The following PLCB4 variants were observed in gnomAD, a reference collection of about 807,000 sequenced individuals.
The protein encoded by PLCB4 is 1-phosphatidylinositol 4,5-bisphosphate phosphodiesterase beta-4.
A neutral mutation model predicts 178.8 loss-of-function variants in PLCB4; 77 were observed. The ratio of observed to expected loss-of-function variants is 0.43; its 90% CI spans 0.36 to 0.52. The LOEUF (loss-of-function observed/expected upper bound fraction) is 0.52, where lower values mean the gene tolerates loss of function less well. Ranked by LOEUF, PLCB4 falls within the 20% of genes least tolerant of loss-of-function variation. The probability of loss-of-function intolerance (pLI) is 0.00; values close to 1 mark genes in which losing one functional copy is unlikely to be tolerated. For missense variants in PLCB4, 1,024 were observed against 1,453.4 expected (o/e 0.70, Z 4.80); for synonymous variants, 496 against 490.8 (o/e 1.01, Z -0.14).
intron 25 of PLCB4, among the ~76,000 whole-genome samples, chr20:9,418,378 A>G (rs141797852): frequency 0.017 from 2,627 of 152,260 alleles, 34 homozygotes; most frequent in Non-Finnish European, 0.025. Flanking sequence ...ATTTATTTGC[A>G]TGGAACTATC....
chr20:9,315,542 C>T (rs1378129889), intron 4 of PLCB4, among the ~76,000 whole-genome samples: 1 of 152,082 alleles, frequency 6.6e-6, no homozygotes, highest in Non-Finnish European at 1.5e-5. Flanking sequence ...GACAGGCAGA[C>T]ATTGAGGAGT....
chr20:9,192,665 A>G (rs1424907411), intron 2 of PLCB4, among the ~76,000 whole-genome samples: 2 of 151,784 alleles, frequency 1.3e-5, no homozygotes, highest in African/African-American at 4.8e-5. Flanking sequence ...AAACAAAAAA[A>G]TTAGCTGGGC....
intron 2 of PLCB4, among the ~76,000 whole-genome samples, chr20:9,214,376 C>T (rs1243703101): frequency 6.6e-6 from 1 of 152,038 alleles, no homozygotes; most frequent in Non-Finnish European, 1.5e-5. Flanking sequence ...GTCCTGGCAC[C>T]GTGTGTTGAA....
Position 9,353,972 on chromosome 20 carries a change from G to T in PLCB4, c.370-8924G>T, listed in dbSNP as rs534697428. Among the ~76,000 whole-genome samples the T allele has an allele frequency of 2.6e-5, 4 of 152,272 alleles. No individual in the cohort carries two copies. The East Asian group carries it at 7.7e-4, about 29-fold the overall frequency. Reference sequence around the variant, plus strand: ...CATCTGGTAAGAGTTATCCCAAGAAGCCCAGATCTTCCAGACCAGAACTAT... The same window carrying T: ...CATCTGGTAAGAGTTATCCCAAGAATCCCAGATCTTCCAGACCAGAACTAT... On this transcript the variant is annotated intron_variant, in intron 7 of 39. Coordinates refer to ENST00000378473, the MANE Select transcript of PLCB4 (RefSeq NM_001377142.1).
intron 2 of PLCB4, among the ~76,000 whole-genome samples, chr20:9,182,900 C>A (rs1014893490): frequency 1.3e-5 from 2 of 152,160 alleles, no homozygotes; most frequent in Non-Finnish European, 2.9e-5. Context: ...TTGGTCACAT[C>A]TAATTGCTCA....
intron 3 of PLCB4, among the ~76,000 whole-genome samples, chr20:9,236,595 G>C (rs934339441): frequency 6.6e-6 from 1 of 152,168 alleles, no homozygotes; most frequent in Non-Finnish European, 1.5e-5. Flanking sequence ...AATGGTAACA[G>C]ATGCTGATTT....
Position 9,338,874 on chromosome 20 carries a change from A to C in PLCB4, c.226-20A>C, listed in dbSNP as rs763877510. ...TGTGATGTAACTTATTTTTTTTTCT[A>C]TCTGTGTACCTCTATACAGGATCCC... On this transcript the variant is annotated intron_variant, in intron 6 of 39. Coordinates refer to ENST00000378473, the MANE Select transcript of PLCB4 (RefSeq NM_001377142.1). The C allele has an allele frequency of 6.3e-7, 1 of 1,586,006 alleles. No individual in the cohort carries two copies. Among genetic ancestry groups the C allele is most frequent in the Non-Finnish European group, 8.6e-7 (1 of 1,167,324 alleles).
intron 28 of PLCB4, among the ~76,000 whole-genome samples, chr20:9,424,864 G>T (rs1055653978): frequency 2.0e-5 from 3 of 152,116 alleles, no homozygotes; most frequent in African/African-American, 7.2e-5. Context: ...TATTTTATCT[G>T]GGGAATATGG....
intron 34 of PLCB4, among the ~76,000 whole-genome samples, chr20:9,459,377 G>A (rs562899066): frequency 1.1e-3 from 160 of 151,974 alleles, no homozygotes; most frequent in Non-Finnish European, 1.9e-3. Flanking sequence ...AAACAAAACA[G>A]AGTGTTGCTA....
chr20:9,337,213 C>T lies in PLCB4; in HGVS notation c.165+7C>T, dbSNP rs1386594401. ...ATGGAGAAGTGAAGGCAAGGTATGG[C>T]CCAAGAAGAGCAAGTTGTTCTTTCT... On this transcript the variant is annotated splice_region_variant and intron_variant, in intron 5 of 39. Transcript: ENST00000378473. 6.2e-7 allele frequency: 1 copy of T among 1,601,572 alleles called. No homozygotes were observed. Among genetic ancestry groups the T allele is most frequent in the East Asian group, 2.2e-5 (1 of 44,770 alleles).
intron 3 of PLCB4, among the ~76,000 whole-genome samples, chr20:9,289,109 G>A (rs918320041): frequency 6.6e-6 from 1 of 151,938 alleles, no homozygotes; most frequent in Non-Finnish European, 1.5e-5. Flanking sequence ...CTCTTTTCCT[G>A]TCTTACCTTG....
intron 25 of PLCB4, among the ~76,000 whole-genome samples, chr20:9,416,853 A>G (rs571288395): frequency 6.6e-6 from 1 of 152,344 alleles, no homozygotes; most frequent in South Asian, 2.1e-4. Flanking sequence ...TTTTTGGACT[A>G]TCAAATGTAA....
intron 12 of PLCB4, among the ~76,000 whole-genome samples, chr20:9,373,725 A>G (rs531103142): frequency 6.6e-6 from 1 of 152,232 alleles, no homozygotes; most frequent in East Asian, 1.9e-4. Context: ...GAATGTGATT[A>G]ACTTAACAAC....
chr20:9,391,812 C>T (rs1358279169), intron 17 of PLCB4, among the ~76,000 whole-genome samples: 1 of 152,196 alleles, frequency 6.6e-6, no homozygotes, highest in East Asian at 1.9e-4. Context: ...TCCCATGCTT[C>T]ATCCCTCCCG....
intron 2 of PLCB4, among the ~76,000 whole-genome samples, chr20:9,135,046 G>A (rs932624308): frequency 5.9e-5 from 9 of 151,986 alleles, no homozygotes; most frequent in African/African-American, 2.2e-4. Context: ...TTAAGCTGTA[G>A]AATTTTAGAT....
At chr20:9,330,470 G>A (rs918912250) in intron 4 of PLCB4, among the ~76,000 whole-genome samples, 1 of 152,152 alleles carries the variant, frequency 6.6e-6, no homozygotes, top group Non-Finnish European at 1.5e-5. Flanking sequence ...CAATCTTCTG[G>A]CGATAGGCAG....
rs1452755037 is a variant in PLCB4 at position 9,455,534 on chromosome 20, GTCCC to G, written c.2997-1878_2997-1875del. ...TATAAACTTGGTAATTATTAGAAGT[GTCCC>G]TGGTGTGACACTTAACCCCCCAAAC... On this transcript the variant is annotated intron_variant, in intron 33 of 39. Coordinates refer to ENST00000378473, the MANE Select transcript of PLCB4 (RefSeq NM_001377142.1). 3.3e-5 allele frequency among the ~76,000 whole-genome samples: 5 copies of G among 152,050 alleles called. No homozygotes were observed. The South Asian group carries it at 6.2e-4, about 19-fold the overall frequency.
At chr20:9,398,044 A>G (rs2038738531) in intron 19 of PLCB4, among the ~76,000 whole-genome samples, 1 of 152,184 alleles carries the variant, frequency 6.6e-6, no homozygotes, top group South Asian at 2.1e-4. Context: ...CACTGACCAT[A>G]GTATCCCTGT....
chr20:9,305,707 A>T (rs1460662611), intron 3 of PLCB4, among the ~76,000 whole-genome samples: 1 of 152,154 alleles, frequency 6.6e-6, no homozygotes, highest in Non-Finnish European at 1.5e-5. Context: ...AATCTTTCTG[A>T]TTACTTACAA....
Sources: allele counts gnomAD v4.1 joint callset (sites outside exome capture counted in the v4.1 genomes callset), GRCh38; gene constraint gnomAD v4.1.1; transcripts MANE v1.5; gene names NCBI Gene and HGNC (gene_info 2026-07-23, HGNC 2026-07-21).